The following IL18RAP variants were observed in gnomAD, a reference collection of about 807,000 sequenced individuals.
The protein encoded by IL18RAP is interleukin 18 receptor accessory protein, also known as interleukin-18 receptor accessory protein.
A neutral mutation model predicts 58.1 loss-of-function variants in IL18RAP; 37 were observed. The observed-to-expected ratio is 0.64, with a 90% CI of 0.49 to 0.84. The LOEUF is 0.84. Among genes scored for constraint, IL18RAP ranks in the 40% least tolerant of loss-of-function variants. The probability of loss-of-function intolerance (pLI) is 0.00; values close to 1 mark genes in which losing one functional copy is unlikely to be tolerated. For synonymous variants in IL18RAP, 268 were observed against 257.5 expected (o/e 1.04, Z -0.39); for missense variants, 667 against 704.8 (o/e 0.95, Z 0.61).
In IL18RAP at chr2:102,446,968, G is replaced by A. The variant is rs576768272; in HGVS notation, c.1073-102G>A. 1.7e-4 allele frequency: 206 copies of A among 1,226,606 alleles called. No individual in the cohort carries two copies. In the African/African-American group the frequency reaches 2.8e-3, roughly 17 times the overall value. 76.0% of individuals were successfully genotyped at this position (1,226,606 alleles called of 1,614,324 possible). ...TGGCAATGATTTTGATAAAATAATA[G>A]AGCTGGAAAAGGTGCTGGGTGGGCC... On this transcript the variant is annotated intron_variant, in intron 7 of 9. Transcript: ENST00000687160.
chr2:102,430,367 T>C (rs1438380491), intron 3 of IL18RAP, among the ~76,000 whole-genome samples: 1 of 152,078 alleles, frequency 6.6e-6, no homozygotes, highest in East Asian at 1.9e-4. Flanking sequence ...CTGATATAAG[T>C]AGAGCTATCC....
intron 3 of IL18RAP, among the ~76,000 whole-genome samples, chr2:102,426,332 A>T (rs1681939992): frequency 6.6e-6 from 1 of 152,192 alleles, no homozygotes; most frequent in African/African-American, 2.4e-5. Context: ...CCAGATATAC[A>T]GAGTATACAA....
At position 102,447,107 on chromosome 2, in the gene IL18RAP, C is replaced by A. The variant is rs999453222; in HGVS notation, c.1110C>A (p.Thr370=). The change falls in exon 8 of 10, where the codon ACC becomes ACA. Residue 370 remains threonine, a synonymous_variant. Transcript: ENST00000687160. ...LLYILLGTIG[T]LVAVLAASAL... ...ACATCCTGCTTGGCACCATCGGGAC[C>A]CTGGTGGCCGTGCTGGCGGCGAGTG... is the stretch of plus-strand genomic sequence containing the variant. 1.2e-6 allele frequency: 2 copies of A among 1,614,082 alleles called. No homozygotes were observed. The highest frequency in any genetic ancestry group is 1.7e-6 in the Non-Finnish European group (2 of 1,180,010).
intron 8 of IL18RAP, among the ~76,000 whole-genome samples, chr2:102,447,885 C>T (rs1208789532): frequency 6.6e-6 from 1 of 152,070 alleles, no homozygotes; most frequent in African/African-American, 2.4e-5. Context: ...CATGCGCTAC[C>T]ATGTCCAGCT....
chr2:102,440,381 T>G (rs761933334), intron 4 of IL18RAP: 2 of 152,200 alleles, frequency 1.3e-5, no homozygotes, highest in Non-Finnish European at 2.9e-5. Flanking sequence ...CCCAATGGAT[T>G]TAGGTGCATA....
chr2:102,423,878 T>C lies in IL18RAP; in HGVS notation c.138T>C (p.Cys46=), dbSNP rs955890703. ...GTGAAGAGGAATTTGTCTTATTTTG[T>C]GATTTACCAGAGCCACAGAAATCAC... is the stretch of plus-strand genomic sequence containing the variant. ...TRSEEEFVLF[C]DLPEPQKSHF... Residue 46 remains cysteine (C), a synonymous_variant, in exon 2 of 10, where the codon TGT becomes TGC. Coordinates refer to ENST00000687160, the MANE Select transcript of IL18RAP (RefSeq NM_001393487.1). 1.2e-6 allele frequency: 2 copies of C among 1,613,948 alleles called. No individual in the cohort carries two copies. Among genetic ancestry groups the C allele is most frequent in the African/African-American group, 2.7e-5 (2 of 74,934 alleles).
chr2:102,442,439 A>G (rs1029423599), intron 5 of IL18RAP, among the ~76,000 whole-genome samples: 1 of 152,170 alleles, frequency 6.6e-6, no homozygotes, highest in Admixed American at 6.5e-5. Flanking sequence ...AATAGCACTA[A>G]CTATGTGCTC....
At position 102,440,586 on chromosome 2, in the gene IL18RAP, T is replaced by G. The variant is rs116640666; in HGVS notation, c.731-726T>G. 1,023 of 152,052 alleles carry G rather than the reference T, an allele frequency of 6.7e-3. 8 individuals are homozygous for G. The highest frequency in any genetic ancestry group is 9.1e-3 in the Non-Finnish European group (622 of 68,046). 9.4% of individuals were successfully genotyped at this position (152,052 alleles called of 1,614,324 possible). A position where few individuals can be genotyped will look rare whatever the true frequency, so the allele number is the denominator to read the frequency against. On this transcript the variant is annotated intron_variant, in intron 4 of 9. Transcript: ENST00000687160. Reference sequence around the variant, plus strand: ...TTTCTCTTTTTTAGGATGATGAGACTGAGCATGAATAAATGTTGATGAGAA... The same window carrying G: ...TTTCTCTTTTTTAGGATGATGAGACGGAGCATGAATAAATGTTGATGAGAA...
In IL18RAP at chr2:102,435,828, C is replaced by T. The variant is rs1315832187; in HGVS notation, c.580-1384C>T. 2.7e-5 allele frequency among the ~76,000 whole-genome samples: 4 copies of T among 148,956 alleles called. No homozygotes were observed. The South Asian group carries it at 8.6e-4, about 32-fold the overall frequency. On this transcript the variant is annotated intron_variant, in intron 3 of 9. Coordinates refer to ENST00000687160, the MANE Select transcript of IL18RAP (RefSeq NM_001393487.1). ...TGCTTCACATATACCTTTAAAAGTC[C>T]TTTGCAGTGTCTTCATTTTTTTTTT...
chr2:102,421,654 TC>T (rs1203171227), upstream of IL18RAP, among the ~76,000 whole-genome samples: 1 of 152,186 alleles, frequency 6.6e-6, no homozygotes, highest in Non-Finnish European at 1.5e-5. Flanking sequence ...TTAACACCTA[TC>T]CGTGGCATTC....
intron 6 of IL18RAP, among the ~76,000 whole-genome samples, chr2:102,444,231 A>G (rs929945401): frequency 3.9e-5 from 6 of 152,216 alleles, no homozygotes; most frequent in Admixed American, 1.3e-4. Flanking sequence ...ATTTAGCAAG[A>G]ATTTCTAAGA....
intron 5 of IL18RAP, among the ~76,000 whole-genome samples, chr2:102,441,970 T>C (rs1054489933): frequency 6.6e-6 from 1 of 152,220 alleles, no homozygotes; most frequent in Non-Finnish European, 1.5e-5. Flanking sequence ...CAATAGATTT[T>C]ATTCTTCCTT....
chr2:102,420,355 C>T (rs936537618), upstream of IL18RAP, among the ~76,000 whole-genome samples: 3 of 152,164 alleles, frequency 2.0e-5, no homozygotes. Flanking sequence ...AATAAGTCCT[C>T]AGGAAGCCCA....
At chr2:102,423,461 T>C in intron 1 of IL18RAP, 114 bp downstream of exon 1, 1 of 938,898 alleles carries the variant, frequency 1.1e-6, no homozygotes, top group Non-Finnish European at 1.7e-6. Context: ...TCCATCCTAC[T>C]ATTAAAAGGG....
At chr2:102,428,823 G>C (rs915935760) in intron 3 of IL18RAP, among the ~76,000 whole-genome samples, 1 of 151,746 alleles carries the variant, frequency 6.6e-6, no homozygotes, top group Non-Finnish European at 1.5e-5. Context: ...TCACAGTTGA[G>C]TATAGCTATG....
chr2:102,450,797 TA>T (rs759964479), intron 8 of IL18RAP, 50 bp from the exon 9 acceptor site: 72 of 1,238,974 alleles, frequency 5.8e-5, no homozygotes, highest in South Asian at 7.8e-5. Context: ...ACCATAACAG[TA>T]AAAAAAAGAG....
At chr2:102,420,542 C>A (rs1420100), upstream of IL18RAP, among the ~76,000 whole-genome samples, 81,303 of 151,954 alleles carry the variant, frequency 0.54, 23,611 homozygotes, top group African/African-American at 0.73. Flanking sequence ...GGTTGGCGGA[C>A]ATTCCTGAGT....
chr2:102,433,509 C>T (rs1387256361), intron 3 of IL18RAP, among the ~76,000 whole-genome samples: 2 of 152,126 alleles, frequency 1.3e-5, no homozygotes, highest in South Asian at 4.1e-4. Context: ...CAGGTGTGAG[C>T]CATCATGCCA....
intron 7 of IL18RAP, 139 bp from the exon 8 acceptor site, chr2:102,446,931 A>C: frequency 2.2e-6 from 2 of 912,144 alleles, no homozygotes; most frequent in South Asian, 3.6e-5. Flanking sequence ...GATTCACAAA[A>C]ACTGCTGCTA....
Sources: allele counts gnomAD v4.1 joint callset (sites outside exome capture counted in the v4.1 genomes callset), GRCh38; gene constraint gnomAD v4.1.1; transcripts MANE v1.5; gene names NCBI Gene and HGNC (gene_info 2026-07-23, HGNC 2026-07-21).